Variants in CTNNA1 observed in about 807,000 individuals in gnomAD.
CTNNA1 encodes catenin alpha-1.
In CTNNA1, 37 loss-of-function variants were observed where a neutral mutation model predicts 98.4. The ratio of observed to expected loss-of-function variants is 0.38; its 90% CI spans 0.29 to 0.49. The LOEUF (loss-of-function observed/expected upper bound fraction) is 0.49. Ranked by LOEUF, CTNNA1 falls within the 20% of genes least tolerant of loss-of-function variation. The probability of loss-of-function intolerance (pLI) is 0.95; values close to 1 mark genes in which losing one functional copy is unlikely to be tolerated. For missense variants in CTNNA1, 761 were observed against 1,147.2 expected, an observed-to-expected ratio of 0.66 and a Z score of 4.86; for synonymous variants, 404 against 413.2, an observed-to-expected ratio of 0.98 and a Z score of 0.27.
intron 7 of CTNNA1, among the ~76,000 whole-genome samples, chr5:138,857,714 A>G (rs1251158888): frequency 6.6e-6 from 1 of 152,224 alleles, no homozygotes; most frequent in African/African-American, 2.4e-5. Flanking sequence ...GTTAATGCAT[A>G]AAGGTTAAAT....
At chr5:138,907,894 T>C (rs1759629639) in intron 10 of CTNNA1, among the ~76,000 whole-genome samples, 1 of 152,140 alleles carries the variant, frequency 6.6e-6, no homozygotes, top group Admixed American at 6.5e-5. Context: ...CTATATGCTA[T>C]TTTTAGTTTC....
chr5:138,795,168 A>G (rs1756809806), intron 3 of CTNNA1, among the ~76,000 whole-genome samples: 1 of 150,940 alleles, frequency 6.6e-6, no homozygotes, highest in African/African-American at 2.4e-5. Context: ...AAAAAAAAAA[A>G]AAAAAAGAGC....
At chr5:138,912,882 G>A (rs1760950313) in intron 10 of CTNNA1, among the ~76,000 whole-genome samples, 1 of 151,986 alleles carries the variant, frequency 6.6e-6, no homozygotes, top group African/African-American at 2.4e-5. Flanking sequence ...TTTCCTTATT[G>A]ATTTACCTAA....
At chr5:138,776,699 C>T (rs1404266168) in intron 1 of CTNNA1, among the ~76,000 whole-genome samples, 63 of 136,630 alleles carry the variant, frequency 4.6e-4, no homozygotes, top group Admixed American at 1.6e-3. Flanking sequence ...CCCTCCCGGA[C>T]GGGGCGGCTG....
At chr5:138,772,133 T>G (rs1425515040) in intron 1 of CTNNA1, among the ~76,000 whole-genome samples, 1 of 152,244 alleles carries the variant, frequency 6.6e-6, no homozygotes, top group Non-Finnish European at 1.5e-5. Context: ...CTGATAGAAC[T>G]ATGCTTTTAT....
intron 17 of CTNNA1, 58 bp from the exon 18 acceptor site, chr5:138,933,744 G>A (rs1765947843): frequency 1.3e-6 from 2 of 1,568,248 alleles, no homozygotes; most frequent in African/African-American, 1.3e-5. Flanking sequence ...CAGCCCACCT[G>A]TGTCCACGAG....
intron 7 of CTNNA1, among the ~76,000 whole-genome samples, chr5:138,846,310 G>A (rs1238586043): frequency 6.6e-6 from 1 of 152,138 alleles, no homozygotes; most frequent in Non-Finnish European, 1.5e-5. Flanking sequence ...CTGTAGTAAT[G>A]GTTGTACATA....
intron 3 of CTNNA1, among the ~76,000 whole-genome samples, chr5:138,788,475 A>T (rs1253514988): frequency 6.6e-6 from 1 of 152,214 alleles, no homozygotes; most frequent in East Asian, 1.9e-4. Flanking sequence ...TTTAAAGTAT[A>T]CAATGCAGTG....
intron 7 of CTNNA1, among the ~76,000 whole-genome samples, chr5:138,865,308 C>T (rs28363433): frequency 0.016 from 2,439 of 152,228 alleles, 76 homozygotes; most frequent in African/African-American, 0.055. Context: ...ACCCTTGGGT[C>T]ACGGCAAAGT....
At chr5:138,908,351 A>G (rs1381096789) in intron 10 of CTNNA1, among the ~76,000 whole-genome samples, 1 of 152,208 alleles carries the variant, frequency 6.6e-6, no homozygotes, top group Non-Finnish European at 1.5e-5. Flanking sequence ...GCAGTTAAAC[A>G]ACTTTAACTG....
chr5:138,811,357 A>G (rs1758762881), intron 4 of CTNNA1, among the ~76,000 whole-genome samples: 12 of 93,644 alleles, frequency 1.3e-4, no homozygotes, highest in South Asian at 9.7e-4. Flanking sequence ...CCTAGGTGGG[A>G]TGGCGGCCGG....
At chr5:138,834,444 C>G (rs1761580093) in intron 7 of CTNNA1, among the ~76,000 whole-genome samples, 3 of 152,092 alleles carry the variant, frequency 2.0e-5, no homozygotes, top group Admixed American at 2.0e-4. Flanking sequence ...TTACCATATG[C>G]CAGCCATTGT....
chr5:138,819,600 T>A (rs1424562721), intron 5 of CTNNA1, among the ~76,000 whole-genome samples: 1 of 152,140 alleles, frequency 6.6e-6, no homozygotes, highest in African/African-American at 2.4e-5. Context: ...CAGGCACTGA[T>A]TCCTTGGGAT....
intron 1 of CTNNA1, among the ~76,000 whole-genome samples, chr5:138,776,439 G>A (rs764559383): frequency 2.6e-5 from 4 of 152,154 alleles, no homozygotes; most frequent in South Asian, 4.1e-4. Flanking sequence ...TCCCGTGTCT[G>A]CCTCTTTCTA....
chr5:138,767,320 G>A (rs983422309), intron 1 of CTNNA1, among the ~76,000 whole-genome samples: 14 of 152,154 alleles, frequency 9.2e-5, no homozygotes, highest in African/African-American at 3.1e-4. Flanking sequence ...ACAGGCATGA[G>A]CCACCGCGCC....
intron 13 of CTNNA1, among the ~76,000 whole-genome samples, chr5:138,927,560 G>A (rs10463975): frequency 0.25 from 36,740 of 147,386 alleles, 4,877 homozygotes; most frequent in Middle Eastern, 0.33. Flanking sequence ...ATTCATCACT[G>A]CTTTCTTCAT....
intron 7 of CTNNA1, among the ~76,000 whole-genome samples, chr5:138,854,956 A>C (rs1460157039): frequency 6.6e-6 from 1 of 152,214 alleles, no homozygotes; most frequent in Admixed American, 6.5e-5. Flanking sequence ...AGAGAGAAAA[A>C]AATATTGGGA....
chr5:138,758,534 G>A (rs11950434), intron 1 of CTNNA1, among the ~76,000 whole-genome samples: 5,856 of 152,028 alleles, frequency 0.039, 302 homozygotes, highest in African/African-American at 0.12. Context: ...ATGCCACCAC[G>A]CCCAGCTAAT....
chr5:138,783,186 C>G lies in CTNNA1; in HGVS notation c.115C>G (p.Leu39Val). ...AAAATGAAACTTTTAGGTTACAACC[C>G]TTGTAAACACCAATAGTAAAGGGCC... The part of the protein sequence containing the change: ...LEPLVTQVTT[L>V]VNTNSKGPSN... Residue 39 changes from leucine (L) to valine (V), a missense_variant, in exon 3 of 18, where the codon CTT becomes GTT. Coordinates refer to ENST00000302763, the MANE Select transcript of CTNNA1 (RefSeq NM_001903.5). 6.2e-7 allele frequency: 1 copy of G among 1,605,806 alleles called. No individual in the cohort carries two copies. Among genetic ancestry groups the G allele is most frequent in the Non-Finnish European group, 8.5e-7 (1 of 1,175,924 alleles).
Sources: allele counts gnomAD v4.1 joint callset (sites outside exome capture counted in the v4.1 genomes callset), GRCh38; gene constraint gnomAD v4.1.1; transcripts MANE v1.5; gene names NCBI Gene and HGNC (gene_info 2026-07-23, HGNC 2026-07-21).